PCDHA6: variants seen among roughly 807,000 people sequenced by gnomAD.
PCDHA6 encodes the protein protocadherin alpha 6.
PCDHA6 carries 55 observed loss-of-function variants against 60.3 expected under a neutral mutation model. The ratio of observed to expected loss-of-function variants is 0.91; its 90% CI spans 0.73 to 1.14. The LOEUF is 1.14. Ranked by LOEUF, PCDHA6 falls within the 50% of genes most tolerant of loss-of-function variation. The pLI, the probability that PCDHA6 is intolerant of heterozygous loss-of-function variation, is 0.00. For missense variants in PCDHA6, 1,327 were observed against 1,256.5 expected (o/e 1.06, Z -0.85); for synonymous variants, 652 against 557.9 (o/e 1.17, Z -2.38).
chr5:140,984,389 A>T (rs1346769556), intron 3 of PCDHA6, among the ~76,000 whole-genome samples: 2 of 152,208 alleles, frequency 1.3e-5, no homozygotes, highest in African/African-American at 4.8e-5. Flanking sequence ...AGATTCAAAA[A>T]ATGTTGAGAA....
intron 3 of PCDHA6, among the ~76,000 whole-genome samples, chr5:140,987,219 A>G (rs1340141684): frequency 6.6e-6 from 1 of 151,240 alleles, no homozygotes; most frequent in African/African-American, 2.5e-5. Flanking sequence ...ATCTCAAAAA[A>G]AAAAAAAATA....
At chr5:140,891,330 T>G (rs995602420) in intron 1 of PCDHA6, among the ~76,000 whole-genome samples, 14 of 152,108 alleles carry the variant, frequency 9.2e-5, no homozygotes, top group Non-Finnish European at 1.9e-4. Flanking sequence ...TGGTGGTGAT[T>G]TGTGAGATTT....
At chr5:140,917,287 G>A (rs190210744) in intron 1 of PCDHA6, among the ~76,000 whole-genome samples, 51 of 147,686 alleles carry the variant, frequency 3.5e-4, no homozygotes, top group Admixed American at 7.7e-4. Flanking sequence ...ACGCTTTTCC[G>A]TGTGCAGATA....
chr5:140,911,036 G>A (rs2075296113), intron 1 of PCDHA6, among the ~76,000 whole-genome samples: 1 of 152,104 alleles, frequency 6.6e-6, no homozygotes, highest in African/African-American at 2.4e-5. Flanking sequence ...AGGTCTAGAA[G>A]CAAACAGGGG....
intron 1 of PCDHA6, among the ~76,000 whole-genome samples, chr5:140,939,959 G>A (rs1272327380): frequency 6.6e-6 from 1 of 152,150 alleles, no homozygotes; most frequent in Non-Finnish European, 1.5e-5. Flanking sequence ...TTATGTTAAA[G>A]TGTTCCACGA....
chr5:140,887,321 C>A (rs1277860165), intron 1 of PCDHA6, among the ~76,000 whole-genome samples: 4 of 152,150 alleles, frequency 2.6e-5, no homozygotes, highest in Non-Finnish European at 5.9e-5. Flanking sequence ...TAGTCTCGAA[C>A]TCCTGACCTC....
At chr5:140,967,331 C>T (rs2096128497) in intron 1 of PCDHA6, 1 of 1,608,078 alleles carries the variant, frequency 6.2e-7, no homozygotes, top group African/African-American at 1.3e-5. Context: ...CGAGCTCAGC[C>T]CCAGCGAGCA....
intron 1 of PCDHA6, among the ~76,000 whole-genome samples, chr5:140,947,229 G>GA (rs201242412): frequency 9.4e-5 from 14 of 148,904 alleles, no homozygotes; most frequent in South Asian, 2.1e-4. Context: ...TTTATGACAG[G>GA]AAAAAAAAAT....
chr5:140,876,774 G>T (rs370558767), intron 1 of PCDHA6: 28 of 1,614,110 alleles, frequency 1.7e-5, no homozygotes, highest in Non-Finnish European at 2.3e-5. Flanking sequence ...GCTCGCCTTC[G>T]CTGTGGGCCA....
intron 1 of PCDHA6, among the ~76,000 whole-genome samples, chr5:140,894,100 G>C (rs1554185932): frequency 2.0e-5 from 3 of 151,990 alleles, no homozygotes; most frequent in African/African-American, 7.3e-5. Context: ...CTAGCTCCTG[G>C]TGTTGCAGAT....
chr5:140,883,693 C>T (rs2059756382), intron 1 of PCDHA6: 2 of 1,613,790 alleles, frequency 1.2e-6, no homozygotes, highest in Non-Finnish European at 1.7e-6. Flanking sequence ...GCCACATCTT[C>T]ACGGTGTCTG....
rs530563833 is a variant in PCDHA6, at chr5:140,894,957, T to A, written c.2394+64472T>A. Among the ~76,000 whole-genome samples, 18 of 152,324 alleles carry A rather than the reference T, an allele frequency of 1.2e-4. No individual in the cohort carries two copies. In the East Asian group the frequency reaches 3.3e-3, roughly 28 times the overall value. Reference sequence around the variant, plus strand: ...AGCTATTGTCATGAAATGATAAAAATATAATTTTTTAATGTCTTACTTTGT... The same window carrying A: ...AGCTATTGTCATGAAATGATAAAAAAATAATTTTTTAATGTCTTACTTTGT... On this transcript the variant is annotated intron_variant, in intron 1 of 3. Transcript: ENST00000529310.
At chr5:140,896,309 A>T (rs1554186897) in intron 1 of PCDHA6, among the ~76,000 whole-genome samples, 1 of 152,184 alleles carries the variant, frequency 6.6e-6, no homozygotes. Flanking sequence ...AAATCTTCAA[A>T]CTGCTTTCCA....
intron 3 of PCDHA6, among the ~76,000 whole-genome samples, chr5:141,002,004 A>G (rs1386748835): frequency 2.0e-5 from 3 of 152,210 alleles, no homozygotes; most frequent in Non-Finnish European, 4.4e-5. Context: ...TTGCAAACAC[A>G]GAATCTGCAC....
chr5:140,843,680 G>T, intron 1 of PCDHA6: 1 of 1,588,882 alleles, frequency 6.3e-7, no homozygotes, highest in East Asian at 2.2e-5. Flanking sequence ...TGATGTAGGC[G>T]AAGAGCAAGA....
intron 1 of PCDHA6, among the ~76,000 whole-genome samples, chr5:140,897,709 T>C (rs1471075981): frequency 6.6e-6 from 1 of 152,212 alleles, no homozygotes; most frequent in Non-Finnish European, 1.5e-5. Context: ...TACCCAGTAA[T>C]GGGATGGCTG....
intron 1 of PCDHA6, among the ~76,000 whole-genome samples, chr5:140,919,377 A>G (rs2079104195): frequency 1.3e-5 from 2 of 152,208 alleles, no homozygotes; most frequent in Non-Finnish European, 2.9e-5. Context: ...CAGACAACAC[A>G]TAGTTGGATG....
chr5:140,997,046 T>C (rs2097756944), intron 3 of PCDHA6, among the ~76,000 whole-genome samples: 1 of 152,176 alleles, frequency 6.6e-6, no homozygotes, highest in Admixed American at 6.5e-5. Flanking sequence ...AACTTTACTT[T>C]TTAGAGCAGT....
chr5:140,856,947 A>C (rs1486886568), intron 1 of PCDHA6: 2 of 1,592,142 alleles, frequency 1.3e-6, no homozygotes, highest in Non-Finnish European at 1.7e-6. Context: ...AGGACGGGAG[A>C]AATAAAAGTA....
Sources: allele counts gnomAD v4.1 joint callset (sites outside exome capture counted in the v4.1 genomes callset), GRCh38; gene constraint gnomAD v4.1.1; transcripts MANE v1.5; gene names NCBI Gene and HGNC (gene_info 2026-07-23, HGNC 2026-07-21).